The following RNF6 variants were observed in gnomAD, a reference collection of about 807,000 sequenced individuals.
RNF6 encodes the protein E3 ubiquitin-protein ligase RNF6.
A neutral mutation model predicts 50.1 loss-of-function variants in RNF6; 21 were observed. The ratio of observed to expected loss-of-function variants is 0.42; its 90% CI spans 0.30 to 0.60. RNF6 has a LOEUF of 0.60. Ranked by LOEUF, RNF6 falls within the 20% of genes least tolerant of loss-of-function variation. The probability of loss-of-function intolerance (pLI) is 0.20; values close to 1 mark genes in which losing one functional copy is unlikely to be tolerated. For synonymous variants in RNF6, 255 were observed against 291.8 expected (o/e 0.87, Z 1.29); for missense variants, 698 against 838.2 (o/e 0.83, Z 2.07).
downstream of RNF6, among the ~76,000 whole-genome samples, chr13:26,212,171 T>G (rs9512154): frequency 0.044 from 6,634 of 152,222 alleles, 199 homozygotes; most frequent in Non-Finnish European, 0.059. Flanking sequence ...CCCATCCTCC[T>G]GGGCCATGAA....
intron 5 of RNF6, among the ~76,000 whole-genome samples, chr13:26,153,887 A>C (rs1490498888): frequency 6.6e-6 from 1 of 152,166 alleles, no homozygotes; most frequent in Non-Finnish European, 1.5e-5. Flanking sequence ...TCAGCCCCAA[A>C]ATGGAATTTC....
chr13:26,163,815 T>C (rs748157852), intron 5 of RNF6, among the ~76,000 whole-genome samples: 1 of 152,180 alleles, frequency 6.6e-6, no homozygotes, highest in Non-Finnish European at 1.5e-5. Flanking sequence ...GGATTTTCTT[T>C]TGGAAAATGG....
intron 5 of RNF6, among the ~76,000 whole-genome samples, chr13:26,176,294 T>C (rs1379932395): frequency 6.6e-6 from 1 of 152,132 alleles, no homozygotes; most frequent in Non-Finnish European, 1.5e-5. Flanking sequence ...TCTCTTCTCT[T>C]TTTTTTAGAG....
Position 26,213,735 on chromosome 13 carries a change from C to T in RNF6, c.*89G>A, listed in dbSNP as rs1311782065. ...CTATATATAATCTGTTATTTTTCAT[C>T]CTGGTTAGCTAATCACAAATAACTC... is the stretch of plus-strand genomic sequence containing the variant. On this transcript the variant is annotated 3_prime_UTR_variant, in exon 5 of 5. Transcript: ENST00000381588. The T allele has an allele frequency of 2.4e-5, 25 of 1,063,398 alleles. No homozygotes were observed. Among genetic ancestry groups the T allele is most frequent in the Non-Finnish European group, 3.0e-5 (22 of 744,370 alleles). 65.9% of individuals were successfully genotyped at this position (1,063,398 alleles called of 1,614,324 possible).
At chr13:26,137,547 G>C (rs1870713284) in intron 5 of RNF6, among the ~76,000 whole-genome samples, 1 of 151,600 alleles carries the variant, frequency 6.6e-6, no homozygotes, top group African/African-American at 2.4e-5. Flanking sequence ...CTTTTTATCA[G>C]TTATGTTGAG....
At position 26,222,295 on chromosome 13, in the gene RNF6, C is replaced by T. The variant is rs897905005; in HGVS notation, c.-394G>A. ...GCGGGGAGTCGCTCCGCAGCCGGCC[C>T]GGAGCTCGCCCGTGCAACTGAAAAC... On this transcript the variant is annotated 5_prime_UTR_variant, in exon 1 of 5. Transcript: ENST00000381588. The T allele has an allele frequency of 6.6e-6, 1 of 152,324 alleles. No individual in the cohort carries two copies. The highest frequency in any genetic ancestry group is 1.5e-5 in the Non-Finnish European group (1 of 68,112). 9.4% of individuals were successfully genotyped at this position (152,324 alleles called of 1,614,324 possible). A position where few individuals can be genotyped will look rare whatever the true frequency, so the allele number is the denominator to read the frequency against.
At position 26,215,361 on chromosome 13, in the gene RNF6, A is replaced by G. The variant is rs1869762394; in HGVS notation, c.521T>C (p.Leu174Pro). The G allele has an allele frequency of 3.1e-6, 5 of 1,614,084 alleles. No individual in the cohort carries two copies. The highest frequency in any genetic ancestry group is 3.4e-6 in the Non-Finnish European group (4 of 1,180,042). ...AGTATGATCTCTGTTACTATCTGAA[A>G]GTGGAATGTCTGTATAATCTTCTCC... The part of the protein sequence containing the change: ...IHGEDYTDIP[L>P]SDSNRDHTAN... Residue 174 changes from leucine to proline, a missense_variant, in exon 5 of 5, where the codon CTT becomes CCT. By Grantham distance (98) the Leu-to-Pro change is moderately conservative. Coordinates refer to ENST00000381588, the MANE Select transcript of RNF6 (RefSeq NM_005977.4).
At chr13:26,137,350 C>T (rs1480856329) in intron 5 of RNF6, among the ~76,000 whole-genome samples, 4 of 151,464 alleles carry the variant, frequency 2.6e-5, no homozygotes, top group Non-Finnish European at 4.4e-5. Context: ...AAAAACAAAT[C>T]CTGAAGAGAA....
At chr13:26,139,648 C>A (rs1367063339) in intron 5 of RNF6, among the ~76,000 whole-genome samples, 2 of 152,108 alleles carry the variant, frequency 1.3e-5, no homozygotes, top group African/African-American at 2.4e-5. Context: ...AAATTGACAT[C>A]TTTATAATAT....
Position 26,182,105 on chromosome 13 carries a change from G to C in RNF6, n.768+33369C>G, listed in dbSNP as rs1873271177. ...ATTTAATTGAAAACACGTATCTCCA[G>C]AAGTTTTCAAAAATGCTTTAAGCAG... is the stretch of plus-strand genomic sequence containing the variant. On this transcript the variant is annotated intron_variant and non_coding_transcript_variant, in intron 5 of 5. Coordinates refer to the RNF6 transcript ENST00000468480. 2.0e-5 allele frequency among the ~76,000 whole-genome samples: 3 copies of C among 152,260 alleles called. No individual in the cohort carries two copies. In the South Asian group the frequency reaches 6.2e-4, roughly 32 times the overall value.
intron 5 of RNF6, among the ~76,000 whole-genome samples, chr13:26,188,895 T>C (rs999151924): frequency 2.6e-5 from 4 of 151,996 alleles, no homozygotes; most frequent in African/African-American, 9.7e-5. Context: ...CCCAAAGTGA[T>C]GGGATTACAA....
At chr13:26,148,902 T>C (rs1595150) in intron 5 of RNF6, among the ~76,000 whole-genome samples, 53,891 of 150,636 alleles carry the variant, frequency 0.36, 10,274 homozygotes, top group East Asian at 0.7. Flanking sequence ...AAAAAGCCAA[T>C]GTCCCAGTTT....
Position 26,213,857 on chromosome 13 carries a change from A to C in RNF6, c.2025T>G (p.Pro675=), listed in dbSNP as rs772675985. Residue 675 remains proline, a synonymous_variant, in exon 5 of 5, where the codon CCT becomes CCG. Coordinates refer to ENST00000381588, the MANE Select transcript of RNF6 (RefSeq NM_005977.4). ...ENCTCPICRQ[P]VLGSNIANNG ...TGTTTGCTATGTTAGACCCTAAAAC[A>C]GGCTGCCGACAGATCGGACAAGTGC... 6 of 1,613,156 alleles carry C rather than the reference A, an allele frequency of 3.7e-6. No homozygotes were observed. The Admixed American group carries it at 1.0e-4, about 27-fold the overall frequency.
downstream of RNF6, among the ~76,000 whole-genome samples, chr13:26,212,376 T>G (rs191026845): frequency 1.0e-3 from 159 of 152,320 alleles, no homozygotes; most frequent in African/African-American, 3.7e-3. Flanking sequence ...AACCTTTTAC[T>G]CCATGTAAAT....
At position 26,214,184 on chromosome 13, in the gene RNF6, C is replaced by G. The variant is rs550845341; in HGVS notation, c.1698G>C (p.Arg566Ser). Residue 566 changes from arginine to serine, a missense_variant, in exon 5 of 5, where the codon AGG becomes AGC. Coordinates refer to ENST00000381588, the MANE Select transcript of RNF6 (RefSeq NM_005977.4). ...TTGGATTTCGCAACTGCCTGCCACC[C>G]CTACTGTCACTGTTTCGAGTATGAG... is the stretch of plus-strand genomic sequence containing the variant. ...TQPHTRNSDS[R>S]GGRQLRNPNN... 7 of 1,614,212 alleles carry G rather than the reference C, an allele frequency of 4.3e-6. No individual in the cohort carries two copies. In the South Asian group the frequency reaches 7.7e-5, roughly 18 times the overall value.
At chr13:26,137,664 A>C (rs1358225881) in intron 5 of RNF6, among the ~76,000 whole-genome samples, 1 of 151,586 alleles carries the variant, frequency 6.6e-6, no homozygotes, top group Non-Finnish European at 1.5e-5. Context: ...AAAAAAAAAA[A>C]AAACAAATAG....
At position 26,149,005 on chromosome 13, in the gene RNF6, C is replaced by T. The variant is rs370101709; in HGVS notation, n.769-16554G>A. Among the ~76,000 whole-genome samples, 5 of 152,016 alleles carry T rather than the reference C, an allele frequency of 3.3e-5. No homozygotes were observed. The East Asian group carries it at 5.8e-4, about 18-fold the overall frequency. ...CCTGTAATTGATTGGATAAAATCCA[C>T]GCACATTATGGAGTATGGTCTTCTT... On this transcript the variant is annotated intron_variant and non_coding_transcript_variant, in intron 5 of 5. Transcript: ENST00000468480.
intron 1 of RNF6, 108 bp from the exon 2 acceptor site, chr13:26,221,438 T>C (rs1312842710): frequency 6.6e-6 from 1 of 152,224 alleles, no homozygotes; most frequent in African/African-American, 2.4e-5. Flanking sequence ...AATTCTCCAG[T>C]GGATTTTGTT....
upstream of RNF6, chr13:26,222,521 C>T (rs1186000910): frequency 2.0e-5 from 3 of 152,318 alleles, no homozygotes; most frequent in African/African-American, 7.2e-5. Context: ...GTTTGCCAGC[C>T]AGACTATAAA....
Sources: gnomAD v4.1 joint callset for allele counts (sites outside exome capture counted in the v4.1 genomes callset) on GRCh38, gnomAD v4.1.1 for gene constraint, MANE v1.5 for transcripts, NCBI Gene and HGNC (gene_info 2026-07-23, HGNC 2026-07-21) for gene names.